Variants in RABGGTA observed in about 807,000 individuals in gnomAD.
RABGGTA encodes the protein geranylgeranyl transferase type-2 subunit alpha.
Under a neutral mutation model 83.3 loss-of-function variants are expected in RABGGTA, and 69 were observed. The observed-to-expected ratio is 0.83, with a 90% confidence interval of 0.68 to 1.01. RABGGTA has a LOEUF of 1.01. Ranked by LOEUF, RABGGTA falls within the 50% of genes least tolerant of loss-of-function variation. The probability of loss-of-function intolerance (pLI) is 0.00; values close to 1 mark genes in which losing one functional copy is unlikely to be tolerated. For synonymous variants in RABGGTA, 310 were observed against 299.8 expected (o/e 1.03, Z -0.35); for missense variants, 681 against 712.7 (o/e 0.96, Z 0.51).
chr14:24,269,311 A>G (rs1460614281), intron 6 of RABGGTA, 148 bp from the exon 7 acceptor site: 5 of 1,041,130 alleles, frequency 4.8e-6, no homozygotes, highest in African/African-American at 1.6e-5. Context: ...TGTCAGTTTT[A>G]TCTTCCCCAT....
intron 3 of RABGGTA, 145 bp from the exon 4 acceptor site, chr14:24,270,603 T>G (rs2040935593): frequency 8.4e-7 from 1 of 1,197,482 alleles, no homozygotes; most frequent in Admixed American, 2.4e-5. Flanking sequence ...CTTACAGGTA[T>G]TCTCTCATTT....
rs1283336474 is a variant in RABGGTA, at chr14:24,268,827, C to CT, written c.799-2dup. The CT allele has an allele frequency of 3.8e-6, 6 of 1,565,286 alleles. No homozygotes were observed. Among genetic ancestry groups the CT allele is most frequent in the Non-Finnish European group, 5.2e-6 (6 of 1,154,844 alleles). ...GCAAGATCTCCATCCTGGAGCCCAC[C>CT]TGGCACAAAGGACAAAGACTTCAGC... On this transcript the variant is annotated splice_acceptor_variant, in intron 8 of 16. Transcript: ENST00000216840. LOFTEE classifies it high-confidence loss of function.
Position 24,267,642 on chromosome 14 carries a change from A to T in RABGGTA, c.1353+18T>A. On this transcript the variant is annotated intron_variant, in intron 14 of 16. Coordinates refer to ENST00000216840, the MANE Select transcript of RABGGTA (RefSeq NM_182836.3). ...AGCGGGATGAGGGCCAGGGGAAGGCATGCATGGCAGCCCATACCTTGTGAG... is the reference window on the plus strand; with the variant it reads ...AGCGGGATGAGGGCCAGGGGAAGGCTTGCATGGCAGCCCATACCTTGTGAG... 6 of 1,598,548 alleles carry T rather than the reference A, an allele frequency of 3.8e-6. No homozygotes were observed. The highest frequency in any genetic ancestry group is 5.1e-6 in the Non-Finnish European group (6 of 1,171,558).
chr14:24,270,458 G>T lies in RABGGTA; in HGVS notation c.115C>A (p.Arg39Ser), dbSNP rs767225082. The change falls in exon 4 of 17, where the codon CGC becomes AGC. Residue 39 changes from arginine to serine, a missense_variant and splice_region_variant. Arg to Ser is a moderately radical substitution (Grantham distance 110). This residue lies in a region of RABGGTA where 115 missense variants were observed against 111.5 expected (regional missense o/e 1.03). Transcript: ENST00000216840. ...GACTCATCCAGCTCACCAGCCTGGC[G>T]CTAAGAAGATAGGTGGCAGGGTTAG... Reference protein sequence around the residue: ...QSATQAVFQKRQAGELDESVL... With the variant: ...QSATQAVFQKSQAGELDESVL... 1.2e-6 allele frequency: 2 copies of T among 1,613,998 alleles called. No individual in the cohort carries two copies. Among genetic ancestry groups the T allele is most frequent in the South Asian group, 1.1e-5 (1 of 91,086 alleles).
intron 6 of RABGGTA, 144 bp downstream of exon 6, chr14:24,269,347 G>A (rs2040915137): frequency 8.9e-7 from 1 of 1,126,604 alleles, no homozygotes; most frequent in Non-Finnish European, 1.3e-6. Context: ...CCTTCAGCCA[G>A]GGACTGATTC....
At chr14:24,271,280 C>T (rs1474203547) in intron 1 of RABGGTA, 111 bp from the exon 2 acceptor site, 22 of 880,882 alleles carry the variant, frequency 2.5e-5, no homozygotes, top group Non-Finnish European at 3.5e-5. Flanking sequence ...GTAAAGAGGT[C>T]CTGGGACAGG....
At position 24,268,792 on chromosome 14, in the gene RABGGTA, A is replaced by G. The variant is rs1163231497; in HGVS notation, c.833T>C (p.Val278Ala). The stretch of plus-strand genomic sequence containing the variant: ...CTCCACAATCAGGGGAGAATCATCA[A>G]CCATGAGCAGCAAGATCTCCATCCT... ...GSRMEILLLMVDDSPLIVEWR... is the reference protein window; with the variant it reads ...GSRMEILLLMADDSPLIVEWR... Residue 278 changes from valine (V) to alanine (A), a missense_variant, in exon 9 of 17, where the codon GTT becomes GCT. Transcript: ENST00000216840. The G allele has an allele frequency of 6.3e-7, 1 of 1,574,946 alleles. No homozygotes were observed. Among genetic ancestry groups the G allele is most frequent in the South Asian group, 1.2e-5 (1 of 86,122 alleles).
chr14:24,270,988 CA>C, intron 2 of RABGGTA, 41 bp from the exon 3 acceptor site: 2 of 1,606,602 alleles, frequency 1.2e-6, no homozygotes, highest in South Asian at 2.2e-5. Context: ...GGTTGCCTTG[CA>C]GAAGCTGACC....
In RABGGTA at chr14:24,267,966, G is replaced by A. The variant is rs1395928662; in HGVS notation, c.1148-8C>T. ...TGATGGTAAGCAGGCACCCTGAGGA[G>A]AGGGCAGGGAAAAGGAGGGTTTCTC... is the stretch of plus-strand genomic sequence containing the variant. On this transcript the variant is annotated splice_polypyrimidine_tract_variant and splice_region_variant and intron_variant, in intron 12 of 16. Coordinates refer to ENST00000216840, the MANE Select transcript of RABGGTA (RefSeq NM_182836.3). 2 of 1,613,144 alleles carry A rather than the reference G, an allele frequency of 1.2e-6. No individual in the cohort carries two copies. Among genetic ancestry groups the A allele is most frequent in the Middle Eastern group, 1.7e-4 (1 of 5,914 alleles).
chr14:24,266,435 T>C lies in RABGGTA; in HGVS notation c.1550A>G (p.Asn517Ser), dbSNP rs2040874193. 6.2e-7 allele frequency: 1 copy of C among 1,613,876 alleles called. No individual in the cohort carries two copies. The highest frequency in any genetic ancestry group is 8.5e-7 in the Non-Finnish European group (1 of 1,179,864). Residue 517 changes from asparagine (N) to serine (S), a missense_variant, in exon 16 of 17, where the codon AAC becomes AGC. This residue lies in a region of RABGGTA where 421 missense variants were observed against 418.5 expected (regional missense o/e 1.01). Transcript: ENST00000216840. Reference sequence around the variant, plus strand: ...GCACCCAGAAGGAAGGATACGGTTGTTGCACAGTAGCAGCTCCTGCAGCCG... The same window carrying C: ...GCACCCAGAAGGAAGGATACGGTTGCTGCACAGTAGCAGCTCCTGCAGCCG... ...LPRLQELLLC[N>S]NRLQQPAVLQ...
At position 24,266,857 on chromosome 14, in the gene RABGGTA, C is replaced by G. The variant is rs1329027772; in HGVS notation, c.1386G>C (p.Leu462=). 1 of 1,613,946 alleles carries G rather than the reference C, an allele frequency of 6.2e-7. No homozygotes were observed. The part of the protein sequence containing the change: ...DLTVLCHLEQ[L]LLVTHLDLSH... ...ACAAGTCAAGATGGGTGACCAAGAG[C>G]AGCTGTTCCAGATGGCAGAGCACTG... is the stretch of plus-strand genomic sequence containing the variant. The change falls in exon 15 of 17, where the codon CTG becomes CTC. Residue 462 remains leucine, a synonymous_variant. Coordinates refer to ENST00000216840, the MANE Select transcript of RABGGTA (RefSeq NM_182836.3).
rs750482006 is a variant in RABGGTA, at chr14:24,265,578, C to T, written c.*37G>A. 3 of 1,601,914 alleles carry T rather than the reference C, an allele frequency of 1.9e-6. No individual in the cohort carries two copies. The highest frequency in any genetic ancestry group is 1.7e-5 in the Admixed American group (1 of 59,248). On this transcript the variant is annotated 3_prime_UTR_variant, in exon 17 of 17. Coordinates refer to ENST00000216840, the MANE Select transcript of RABGGTA (RefSeq NM_182836.3). ...GGCCTCTCCATTCTTTATTCAGTCCCAATAAGTTAAAGGGCAAGGGTAGGG... is the reference window on the plus strand; with the variant it reads ...GGCCTCTCCATTCTTTATTCAGTCCTAATAAGTTAAAGGGCAAGGGTAGGG...
At chr14:24,271,075 G>C in intron 2 of RABGGTA, 38 bp downstream of exon 2, 1 of 1,568,104 alleles carries the variant, frequency 6.4e-7, no homozygotes, top group Admixed American at 1.8e-5. Flanking sequence ...TGAGGGCGCG[G>C]GCCTGCGGAG....
intron 1 of RABGGTA, 74 bp from the exon 2 acceptor site, chr14:24,271,243 G>C: frequency 7.9e-7 from 1 of 1,261,366 alleles, no homozygotes. Context: ...GAAGCAGCAA[G>C]CGTGCCTGGG....
Position 24,267,705 on chromosome 14 carries a change from G to A in RABGGTA, c.1308C>T (p.Leu436=). ...CACGCACCTCGGCATACTCCATCTTGAGCACGCTATTCTCCAGCAAGAACT... is the reference window on the plus strand; with the variant it reads ...CACGCACCTCGGCATACTCCATCTTAAGCACGCTATTCTCCAGCAAGAACT... ...RSKFLLENSV[L]KMEYAEVRVL... Residue 436 remains leucine (L), a synonymous_variant, in exon 14 of 17, where the codon CTC becomes CTT. Transcript: ENST00000216840. 2 of 1,611,978 alleles carry A rather than the reference G, an allele frequency of 1.2e-6. No individual in the cohort carries two copies. Among genetic ancestry groups the A allele is most frequent in the South Asian group, 1.1e-5 (1 of 90,972 alleles).
In RABGGTA at chr14:24,269,593, T is replaced by TA; in HGVS notation, c.528_529insT (p.Asn177Ter). ...GAGCGGTAATGCCAGGAAGAGTAGT[T>TA]GGAGAAGTTTCGGGTGATGAGGCTG... On this transcript the variant is annotated frameshift_variant, in exon 6 of 17. Coordinates refer to ENST00000216840, the MANE Select transcript of RABGGTA (RefSeq NM_182836.3). LOFTEE classifies it high-confidence loss of function. 6.2e-7 allele frequency: 1 copy of TA among 1,613,204 alleles called. No homozygotes were observed. Among genetic ancestry groups the TA allele is most frequent in the Non-Finnish European group, 8.5e-7 (1 of 1,179,208 alleles).
At chr14:24,270,269 C>A in intron 4 of RABGGTA, 65 bp downstream of exon 4, 1 of 1,595,086 alleles carries the variant, frequency 6.3e-7, no homozygotes, top group South Asian at 1.1e-5. Context: ...CTCCTCCACC[C>A]CTAGACCCAG....
Position 24,268,626 on chromosome 14 carries a change from G to A in RABGGTA, c.901-7C>T. On this transcript the variant is annotated splice_region_variant and splice_polypyrimidine_tract_variant and intron_variant, in intron 9 of 16. Coordinates refer to ENST00000216840, the MANE Select transcript of RABGGTA (RefSeq NM_182836.3). ...CAGCAGGCAGGTCACAGAGCTGGGA[G>A]TACTGGGTCAAGGAAATGCCCCAGC... 1.9e-6 allele frequency: 3 copies of A among 1,613,436 alleles called. No individual in the cohort carries two copies. Among genetic ancestry groups the A allele is most frequent in the South Asian group, 1.1e-5 (1 of 91,078 alleles).
At position 24,271,232 on chromosome 14, in the gene RABGGTA, G is replaced by A; in HGVS notation, c.-54-63C>T. 5 of 1,331,362 alleles carry A rather than the reference G, an allele frequency of 3.8e-6. No homozygotes were observed. In the East Asian group the frequency reaches 7.6e-5, roughly 20 times the overall value. The allele number at this position is 1,331,362 out of a possible 1,614,324, so 82.5% of individuals were successfully genotyped here. On this transcript the variant is annotated intron_variant, in intron 1 of 16. Coordinates refer to ENST00000216840, the MANE Select transcript of RABGGTA (RefSeq NM_182836.3). ...ACTAGCTCCGCCCACAGCTGTGTCC[G>A]GAAGCAGCAAGCGTGCCTGGGCAGA...
Sources: allele counts gnomAD v4.1 joint callset, GRCh38; gene constraint gnomAD v4.1.1; regional missense constraint gnomAD v4.1.1; transcripts MANE v1.5; gene names NCBI Gene and HGNC (gene_info 2026-07-23, HGNC 2026-07-21).